Variants in EML6 observed in about 807,000 individuals in gnomAD.
EML6 encodes echinoderm microtubule-associated protein-like 6.
EML6 carries 154 observed loss-of-function variants against 240.1 expected under a neutral mutation model. The ratio of observed to expected loss-of-function variants is 0.64; its 90% CI spans 0.56 to 0.73. EML6 has a LOEUF of 0.73. Among genes scored for constraint, EML6 ranks in the 30% least tolerant of loss-of-function variants. EML6 has a pLI of 0.00. For synonymous variants in EML6, 1,148 were observed against 899.0 expected (o/e 1.28, Z -4.95); for missense variants, 2,964 against 2,474.6 (o/e 1.20, Z -4.20).
chr2:54,759,757 G>T (rs2103750652), intron 2 of EML6, among the ~76,000 whole-genome samples: 1 of 152,078 alleles, frequency 6.6e-6, no homozygotes, highest in South Asian at 2.1e-4. Context: ...GCTCAAAATG[G>T]AGACATTTTA....
rs556693768 is a variant in EML6 at position 54,910,335 on chromosome 2, G to A, written c.3410-619G>A. 4.6e-5 allele frequency among the ~76,000 whole-genome samples: 7 copies of A among 152,278 alleles called. No individual in the cohort carries two copies. The South Asian group carries it at 1.0e-3, about 23-fold the overall frequency. On this transcript the variant is annotated intron_variant, in intron 24 of 41. Coordinates refer to ENST00000356458, the MANE Select transcript of EML6 (RefSeq NM_001039753.4). ...ATTAGGAAATCTAACCTTTTTCAAC[G>A]TCAAATCCAAGATTATAATTGTACA...
chr2:54,833,259 T>C (rs1176688673), intron 7 of EML6, among the ~76,000 whole-genome samples: 2 of 152,252 alleles, frequency 1.3e-5, no homozygotes, highest in Non-Finnish European at 2.9e-5. Context: ...GCTCCTCCTG[T>C]AGACATCTAT....
chr2:54,763,449 A>C (rs1422399517), intron 2 of EML6, among the ~76,000 whole-genome samples: 1 of 152,220 alleles, frequency 6.6e-6, no homozygotes, highest in Admixed American at 6.5e-5. Context: ...ATGATTCCAA[A>C]ACTCCAGACT....
intron 5 of EML6, among the ~76,000 whole-genome samples, chr2:54,826,895 G>A (rs986966962): frequency 6.6e-6 from 1 of 152,030 alleles, no homozygotes; most frequent in Non-Finnish European, 1.5e-5. Flanking sequence ...AGATATAGCC[G>A]AGTGCAGTGG....
At chr2:54,801,250 G>T (rs1434548401) in intron 2 of EML6, among the ~76,000 whole-genome samples, 1 of 148,682 alleles carries the variant, frequency 6.7e-6, no homozygotes, top group Non-Finnish European at 1.5e-5. Flanking sequence ...GGGAGGTGGA[G>T]CTTGCAGTGA....
intron 2 of EML6, among the ~76,000 whole-genome samples, chr2:54,800,191 G>C (rs1285882714): frequency 2.0e-5 from 3 of 151,422 alleles, no homozygotes; most frequent in East Asian, 3.9e-4. Flanking sequence ...GTTGCAGTGA[G>C]CCGAGATCAC....
chr2:54,871,239 A>G (rs967895900), intron 15 of EML6, among the ~76,000 whole-genome samples: 2 of 152,226 alleles, frequency 1.3e-5, no homozygotes, highest in Non-Finnish European at 2.9e-5. Flanking sequence ...CACAGTGGAC[A>G]TTTGAATTAG....
intron 17 of EML6, among the ~76,000 whole-genome samples, chr2:54,889,978 T>C (rs867770312): frequency 6.6e-6 from 1 of 152,258 alleles, no homozygotes; most frequent in African/African-American, 2.4e-5. Flanking sequence ...TTAGCTTGAA[T>C]AAATCTGGGT....
intron 2 of EML6, among the ~76,000 whole-genome samples, chr2:54,790,153 A>G (rs1669351717): frequency 6.6e-6 from 1 of 152,222 alleles, no homozygotes; most frequent in Admixed American, 6.5e-5. Context: ...AGTAATGACT[A>G]GTGATTTTTA....
In EML6 at chr2:54,857,130, T is replaced by G. The variant is rs191101689; in HGVS notation, c.1658-2404T>G. Reference sequence around the variant, plus strand: ...GAAAAAAGATATTTGTCTCTGGGAGTGCACATAAGGGGAAGAGGAATGTCT... The same window carrying G: ...GAAAAAAGATATTTGTCTCTGGGAGGGCACATAAGGGGAAGAGGAATGTCT... On this transcript the variant is annotated intron_variant, in intron 11 of 41. Coordinates refer to ENST00000356458, the MANE Select transcript of EML6 (RefSeq NM_001039753.4). Among the ~76,000 whole-genome samples, 59 of 152,050 alleles carry G rather than the reference T, an allele frequency of 3.9e-4. 1 individual carries two copies. Among genetic ancestry groups the G allele is most frequent in the African/African-American group, 1.4e-3 (58 of 41,476 alleles).
At chr2:54,925,850 T>C (rs1674516194) in intron 26 of EML6, among the ~76,000 whole-genome samples, 1 of 152,220 alleles carries the variant, frequency 6.6e-6, no homozygotes, top group Non-Finnish European at 1.5e-5. Flanking sequence ...TAGACCCTTT[T>C]GCTAAATGGA....
chr2:54,961,184 G>GTTGTGTTTTTTTTTTTTTTTTTT, intron 35 of EML6, among the ~76,000 whole-genome samples: 1 of 55,424 alleles, frequency 1.8e-5, no homozygotes, highest in African/African-American at 8.1e-5. Context: ...TCAGGAAGTA[G>GTTGTGTTTTTTTTTTTTTTTTTT]TTTTTTTTTT....
At chr2:54,817,232 T>G (rs1395661061) in intron 4 of EML6, among the ~76,000 whole-genome samples, 1 of 152,240 alleles carries the variant, frequency 6.6e-6, no homozygotes, top group Non-Finnish European at 1.5e-5. Flanking sequence ...TCACAAAATA[T>G]GATTACAAGG....
chr2:54,773,311 G>A (rs779054101), intron 2 of EML6, among the ~76,000 whole-genome samples: 2 of 152,248 alleles, frequency 1.3e-5, no homozygotes, highest in African/African-American at 2.4e-5. Flanking sequence ...GCCCAAAGCC[G>A]GGGCAGCAAG....
chr2:54,918,509 G>C (rs72795407), intron 26 of EML6, among the ~76,000 whole-genome samples: 16 of 152,130 alleles, frequency 1.1e-4, no homozygotes, highest in Non-Finnish European at 1.9e-4. Context: ...ACCATGCCCA[G>C]CTAATTTTTT....
At chr2:54,869,889 A>C (rs534571301) in intron 15 of EML6, among the ~76,000 whole-genome samples, 1 of 152,320 alleles carries the variant, frequency 6.6e-6, no homozygotes, top group Non-Finnish European at 1.5e-5. Context: ...AAAGCTGCTA[A>C]AACAGGGACC....
At chr2:54,905,321 G>GACACACACACACACACAC (rs70944194) in intron 24 of EML6, among the ~76,000 whole-genome samples, 5 of 121,584 alleles carry the variant, frequency 4.1e-5, no homozygotes, top group African/African-American at 1.3e-4. Context: ...TTTAGAATCC[G>GACACACACACACACACAC]ACACACACAC....
chr2:54,845,314 T>C (rs1411344943), intron 8 of EML6, among the ~76,000 whole-genome samples: 1 of 152,266 alleles, frequency 6.6e-6, no homozygotes, highest in African/African-American at 2.4e-5. Context: ...GTTTTTGTCT[T>C]TCTGTTACTC....
intron 17 of EML6, 29 bp from the exon 18 acceptor site, chr2:54,891,025 G>T: frequency 8.8e-7 from 1 of 1,136,850 alleles, no homozygotes; most frequent in Non-Finnish European, 1.2e-6. Flanking sequence ...ATCCAAACTA[G>T]AATCTTATTT....
Sources: allele counts gnomAD v4.1 joint callset (sites outside exome capture counted in the v4.1 genomes callset), GRCh38; gene constraint gnomAD v4.1.1; transcripts MANE v1.5; gene names NCBI Gene and HGNC (gene_info 2026-07-23, HGNC 2026-07-21).